The following SYT16 variants were observed in gnomAD, a reference collection of about 807,000 sequenced individuals.
SYT16 encodes the protein synaptotagmin 16, also known as synaptotagmin-16.
Under a neutral mutation model 61.4 loss-of-function variants are expected in SYT16, and 42 were observed. The observed-to-expected ratio is 0.68, with a 90% CI of 0.53 to 0.89. The LOEUF is 0.89. Ranked by LOEUF, SYT16 falls within the 40% of genes least tolerant of loss-of-function variation. The pLI, the probability that SYT16 is intolerant of heterozygous loss-of-function variation, is 0.00. For synonymous variants in SYT16, 314 were observed against 302.3 expected (o/e 1.04, Z -0.40); for missense variants, 804 against 807.3 (o/e 1.00, Z 0.05).
intron 7 of SYT16, among the ~76,000 whole-genome samples, chr14:62,098,705 A>G (rs566524475): frequency 1.0e-3 from 157 of 152,328 alleles, no homozygotes; most frequent in African/African-American, 2.9e-3. Flanking sequence ...CAGGGGTTCA[A>G]TGGTTAATAA....
intron 3 of SYT16, among the ~76,000 whole-genome samples, chr14:62,060,417 A>T (rs537164547): frequency 4.8e-4 from 72 of 151,198 alleles, no homozygotes; most frequent in Middle Eastern, 3.4e-3. Context: ...AAATTCACTA[A>T]GTAGTTCTCA....
At position 62,109,962 on chromosome 14, in the gene SYT16, GTA is replaced by G. The variant is rs1669721041; in HGVS notation, c.*9259_*9260del. The G allele has an allele frequency of 6.6e-6, 1 of 152,158 alleles. No individual in the cohort carries two copies. Among genetic ancestry groups the G allele is most frequent in the African/African-American group, 2.4e-5 (1 of 41,444 alleles). The allele number at this position is 152,158 out of a possible 1,614,324, so 9.4% of individuals were successfully genotyped here. On this transcript the variant is annotated 3_prime_UTR_variant, in exon 8 of 8. Transcript: ENST00000683842. ...GAATGAAAAGATAACCCATGCTAATGTATATGTTGCATGAACAAGTAGATGGG... is the reference window on the plus strand; with the variant it reads ...GAATGAAAAGATAACCCATGCTAATGTATGTTGCATGAACAAGTAGATGGG...
intron 1 of SYT16, among the ~76,000 whole-genome samples, chr14:61,940,449 A>G (rs1251810332): frequency 1.3e-5 from 2 of 152,170 alleles, no homozygotes; most frequent in African/African-American, 4.8e-5. Flanking sequence ...ATAAGGCAGA[A>G]TAGCAGAGTG....
At chr14:61,861,531 C>A (rs952224345) in intron 1 of SYT16, among the ~76,000 whole-genome samples, 1 of 152,104 alleles carries the variant, frequency 6.6e-6, no homozygotes, top group African/African-American at 2.4e-5. Flanking sequence ...CAGCCCCCCA[C>A]GTAGCTGGGA....
At chr14:61,945,788 G>A (rs1174639216) in intron 1 of SYT16, among the ~76,000 whole-genome samples, 10 of 148,042 alleles carry the variant, frequency 6.8e-5, no homozygotes, top group South Asian at 2.1e-4. Flanking sequence ...CCCGGGAGGC[G>A]GAACTTGCAG....
chr14:62,011,290 A>G (rs2053439402), intron 3 of SYT16, among the ~76,000 whole-genome samples: 2 of 152,152 alleles, frequency 1.3e-5, no homozygotes, highest in African/African-American at 2.4e-5. Context: ...CTCTACTTCC[A>G]TCTGAGCTGG....
chr14:61,818,609 C>CCCT (rs2045515367), intron 1 of SYT16, among the ~76,000 whole-genome samples: 1 of 145,388 alleles, frequency 6.9e-6, no homozygotes, highest in African/African-American at 2.6e-5. Flanking sequence ...ACCTGGGAGG[C>CCCT]GGAGGTTGCA....
At chr14:61,883,693 C>T (rs947187412) in intron 1 of SYT16, among the ~76,000 whole-genome samples, 2 of 152,172 alleles carry the variant, frequency 1.3e-5, no homozygotes, top group African/African-American at 4.8e-5. Flanking sequence ...TGTAGTAGTA[C>T]CCCACTCTTG....
At chr14:61,990,791 G>C (rs1043053746) in intron 2 of SYT16, among the ~76,000 whole-genome samples, 1 of 152,124 alleles carries the variant, frequency 6.6e-6, no homozygotes, top group Admixed American at 6.6e-5. Context: ...AGGACTATGA[G>C]CATTGTTATT....
chr14:61,879,815 C>T (rs920559057), intron 1 of SYT16, among the ~76,000 whole-genome samples: 5 of 152,190 alleles, frequency 3.3e-5, no homozygotes, highest in South Asian at 2.1e-4. Context: ...TTCCTGACAT[C>T]GATCTAACAT....
At chr14:61,852,958 G>T (rs2140274155) in intron 1 of SYT16, among the ~76,000 whole-genome samples, 1 of 152,200 alleles carries the variant, frequency 6.6e-6, no homozygotes, top group South Asian at 2.1e-4. Context: ...TCACTCTGTT[G>T]CCCAGACTGG....
intron 1 of SYT16, among the ~76,000 whole-genome samples, chr14:61,937,413 G>A (rs2050025048): frequency 6.6e-6 from 1 of 152,214 alleles, no homozygotes; most frequent in Admixed American, 6.5e-5. Context: ...TCCTTTGAAA[G>A]TAAGGTACAT....
chr14:61,990,772 A>G (rs2052515525), intron 2 of SYT16, among the ~76,000 whole-genome samples: 1 of 152,162 alleles, frequency 6.6e-6, no homozygotes, highest in African/African-American at 2.4e-5. Flanking sequence ...TTTAACTAAC[A>G]ACCCTTAAAG....
rs1275371216 is a variant in SYT16, at chr14:61,978,056, C to T, written c.-145+7745C>T. On this transcript the variant is annotated intron_variant, in intron 2 of 7. Coordinates refer to ENST00000683842, the MANE Select transcript of SYT16 (RefSeq NM_001367656.1). ...TCTGCCTCTGTCTTCACCTCACCTT[C>T]TTCTCTGTGTCATTAGTCACTGGTG... 3.3e-5 allele frequency among the ~76,000 whole-genome samples: 5 copies of T among 152,292 alleles called. No individual in the cohort carries two copies. The East Asian group carries it at 9.6e-4, about 29-fold the overall frequency.
chr14:62,053,798 A>G (rs77631067), intron 3 of SYT16, among the ~76,000 whole-genome samples: 10,441 of 152,250 alleles, frequency 0.069, 461 homozygotes, highest in East Asian at 0.12. Context: ...ATGAAAATGA[A>G]TGGAACAAAA....
At chr14:61,908,228 T>C (rs1351034122) in intron 1 of SYT16, among the ~76,000 whole-genome samples, 1 of 152,242 alleles carries the variant, frequency 6.6e-6, no homozygotes, top group East Asian at 1.9e-4. Context: ...TCACAAAGTG[T>C]TCCCTTGAGA....
intron 1 of SYT16, among the ~76,000 whole-genome samples, chr14:61,906,418 G>A (rs867678556): frequency 1.3e-5 from 2 of 152,138 alleles, no homozygotes; most frequent in East Asian, 1.9e-4. Context: ...GAGTAAACAC[G>A]AATATTCTTA....
At chr14:62,063,709 A>AAAATG (rs1430667017) in intron 3 of SYT16, among the ~76,000 whole-genome samples, 3 of 150,348 alleles carry the variant, frequency 2.0e-5, no homozygotes, top group Admixed American at 6.7e-5. Flanking sequence ...AACTAGAAAA[A>AAAATG]AAATGATTAA....
chr14:61,924,988 C>A (rs542822526), intron 1 of SYT16, among the ~76,000 whole-genome samples: 1 of 152,170 alleles, frequency 6.6e-6, no homozygotes, highest in Non-Finnish European at 1.5e-5. Context: ...CTCAAAGTTG[C>A]CTATAAAACG....
Sources: allele counts gnomAD v4.1 joint callset (sites outside exome capture counted in the v4.1 genomes callset), GRCh38; gene constraint gnomAD v4.1.1; transcripts MANE v1.5; gene names NCBI Gene and HGNC (gene_info 2026-07-23, HGNC 2026-07-21).